CATSPERE: variants seen among roughly 807,000 people sequenced by gnomAD.
CATSPERE encodes cation channel sperm-associated auxiliary subunit epsilon.
Under a neutral mutation model 114.1 loss-of-function variants are expected in CATSPERE, and 93 were observed. That is an observed-to-expected ratio of 0.81 (90% CI 0.69 to 0.97). The LOEUF (loss-of-function observed/expected upper bound fraction) is 0.97. CATSPERE is among the 50% of genes least tolerant of loss of function. The pLI is 0.00. For missense variants in CATSPERE, 1,058 were observed against 1,131.6 expected (o/e 0.93, Z 0.93); for synonymous variants, 341 against 384.1 (o/e 0.89, Z 1.31).
At chr1:244,488,988 A>T (rs2148210809) in intron 5 of CATSPERE, among the ~76,000 whole-genome samples, 1 of 152,358 alleles carries the variant, frequency 6.6e-6, no homozygotes, top group East Asian at 1.9e-4. Context: ...ACACTGCAGT[A>T]ATCAGCAAAT....
At chr1:244,489,789 G>A (rs1671676096) in intron 5 of CATSPERE, among the ~76,000 whole-genome samples, 1 of 151,944 alleles carries the variant, frequency 6.6e-6, no homozygotes, top group African/African-American at 2.4e-5. Context: ...CGCCTGAGTT[G>A]CTTTAAGATT....
chr1:244,576,770 G>T (rs1400387653), intron 11 of CATSPERE, among the ~76,000 whole-genome samples: 1 of 152,044 alleles, frequency 6.6e-6, no homozygotes, highest in Non-Finnish European at 1.5e-5. Flanking sequence ...GCTTCCTTAA[G>T]CACATAGAAT....
At chr1:244,586,814 T>C (rs1248951685) in intron 13 of CATSPERE, among the ~76,000 whole-genome samples, 1 of 152,100 alleles carries the variant, frequency 6.6e-6, no homozygotes, top group African/African-American at 2.4e-5. Flanking sequence ...TGCTGGAAGG[T>C]CAGGGGTCCT....
chr1:244,542,046 T>C (rs1372394250), intron 8 of CATSPERE, among the ~76,000 whole-genome samples: 1 of 146,798 alleles, frequency 6.8e-6, no homozygotes, highest in Non-Finnish European at 1.5e-5. Context: ...TTGGGAGATA[T>C]ACCTAATGCT....
chr1:244,608,989 C>G (rs139967899), intron 18 of CATSPERE, among the ~76,000 whole-genome samples: 12 of 152,082 alleles, frequency 7.9e-5, no homozygotes, highest in South Asian at 2.1e-4. Flanking sequence ...ACTCCAAGAC[C>G]AGCCTGGCCA....
intron 7 of CATSPERE, among the ~76,000 whole-genome samples, chr1:244,502,714 A>G (rs1334047520): frequency 1.3e-5 from 2 of 152,148 alleles, no homozygotes; most frequent in Admixed American, 1.3e-4. Context: ...AGGAAATAAG[A>G]GTGGAGGACC....
At chr1:244,516,382 C>G (rs1475973974) in intron 7 of CATSPERE, among the ~76,000 whole-genome samples, 1 of 152,082 alleles carries the variant, frequency 6.6e-6, no homozygotes, top group African/African-American at 2.4e-5. Flanking sequence ...GGGTCTCACT[C>G]TTTTACCCAG....
At chr1:244,603,621 C>T (rs1269187064) in intron 17 of CATSPERE, among the ~76,000 whole-genome samples, 3 of 151,862 alleles carry the variant, frequency 2.0e-5, no homozygotes, top group African/African-American at 7.3e-5. Flanking sequence ...GGCACTGTAG[C>T]ATATTGCTCT....
At chr1:244,589,805 C>T (rs1453050697) in intron 14 of CATSPERE, among the ~76,000 whole-genome samples, 5 of 152,190 alleles carry the variant, frequency 3.3e-5, no homozygotes, top group Non-Finnish European at 7.3e-5. Context: ...CGAATAATAA[C>T]TATCAAGCTC....
At chr1:244,501,064 T>A (rs1245728015) in intron 7 of CATSPERE, among the ~76,000 whole-genome samples, 1 of 152,220 alleles carries the variant, frequency 6.6e-6, no homozygotes, top group Non-Finnish European at 1.5e-5. Flanking sequence ...CTCACATCCC[T>A]TGTAAGTTGT....
At chr1:244,470,473 G>A (rs192340967) in intron 2 of CATSPERE, among the ~76,000 whole-genome samples, 4 of 152,236 alleles carry the variant, frequency 2.6e-5, no homozygotes, top group Non-Finnish European at 4.4e-5. Flanking sequence ...ATACTACTTC[G>A]CACCCGCTCA....
chr1:244,518,001 A>G (rs1387844146), intron 7 of CATSPERE, among the ~76,000 whole-genome samples: 1 of 152,210 alleles, frequency 6.6e-6, no homozygotes, highest in Non-Finnish European at 1.5e-5. Flanking sequence ...ATTCTAGACT[A>G]GCCCTCATCA....
rs1667317821 is a variant in CATSPERE at position 244,588,509 on chromosome 1, G to A, written c.2113G>A (p.Asp705Asn). 1 of 1,612,044 alleles carries A rather than the reference G, an allele frequency of 6.2e-7. No homozygotes were observed. Among genetic ancestry groups the A allele is most frequent in the African/African-American group, 1.3e-5 (1 of 74,954 alleles). Residue 705 changes from aspartate (D) to asparagine (N), a missense_variant, in exon 14 of 22, where the codon GAT (aspartate) becomes AAT (asparagine). By Grantham distance (23) the Asp-to-Asn change is conservative. This residue lies in a region of CATSPERE where 787 missense variants were observed against 905.6 expected (regional missense o/e 0.87). Transcript: ENST00000366534. ...KVFQIAVGCD[D>N]KKFIAIKGFS... ...GTTCCAAATAGCTGTTGGCTGTGATGATAAAAAATTCATTGCAATTAAAGG... is the reference window on the plus strand; with the variant it reads ...GTTCCAAATAGCTGTTGGCTGTGATAATAAAAAATTCATTGCAATTAAAGG...
chr1:244,606,316 T>C (rs1283022580), intron 18 of CATSPERE, among the ~76,000 whole-genome samples: 1 of 152,110 alleles, frequency 6.6e-6, no homozygotes, highest in Non-Finnish European at 1.5e-5. Context: ...AGAGTGGTCT[T>C]ACCACTCCCA....
At chr1:244,543,811 T>TA (rs1351261966) in intron 8 of CATSPERE, among the ~76,000 whole-genome samples, 2 of 151,744 alleles carry the variant, frequency 1.3e-5, no homozygotes, top group African/African-American at 4.8e-5. Flanking sequence ...CAGACCTACT[T>TA]AAAAGAACTT....
intron 20 of CATSPERE, among the ~76,000 whole-genome samples, chr1:244,632,691 A>T (rs1300068932): frequency 1.3e-5 from 2 of 152,102 alleles, no homozygotes; most frequent in African/African-American, 2.4e-5. Flanking sequence ...ATGTGGAATC[A>T]TTAAAAAAAC....
Position 244,524,493 on chromosome 1 carries a change from G to C in CATSPERE, c.536+5795G>C, listed in dbSNP as rs1274346669. 1.8e-4 allele frequency among the ~76,000 whole-genome samples: 27 copies of C among 150,988 alleles called. No homozygotes were observed. The East Asian group carries it at 4.4e-3, about 25-fold the overall frequency. On this transcript the variant is annotated intron_variant, in intron 8 of 21. Coordinates refer to ENST00000366534, the MANE Select transcript of CATSPERE (RefSeq NM_001130957.2). ...AAAAGACAAAATTGACAAATGGGAT[G>C]TAATTAAACTAAAGAGCTTCTGCAC...
chr1:244,488,173 A>G (rs759600768), intron 5 of CATSPERE, among the ~76,000 whole-genome samples: 2 of 152,118 alleles, frequency 1.3e-5, no homozygotes, highest in African/African-American at 2.4e-5. Flanking sequence ...GTATCCCACT[A>G]CTATCTCTCT....
intron 17 of CATSPERE, among the ~76,000 whole-genome samples, chr1:244,602,992 G>A (rs922130439): frequency 1.6e-4 from 25 of 152,272 alleles, no homozygotes; most frequent in African/African-American, 5.8e-4. Flanking sequence ...CAGTTTCTGT[G>A]GGAAGGAATA....
Sources: allele counts gnomAD v4.1 joint callset (sites outside exome capture counted in the v4.1 genomes callset), GRCh38; gene constraint gnomAD v4.1.1; regional missense constraint gnomAD v4.1.1; transcripts MANE v1.5; gene names NCBI Gene and HGNC (gene_info 2026-07-23, HGNC 2026-07-21).